The following GRID1 variants were observed in gnomAD, a reference collection of about 807,000 sequenced individuals.
GRID1 encodes glutamate receptor ionotropic, delta-1.
A neutral mutation model predicts 98.0 loss-of-function variants in GRID1; 28 were observed. That is an observed-to-expected ratio of 0.29 (90% CI 0.21 to 0.39). The LOEUF is 0.39. Among genes scored for constraint, GRID1 ranks in the 10% least tolerant of loss-of-function variants. The pLI is 1.00. For synonymous variants in GRID1, 553 were observed against 538.5 expected, an observed-to-expected ratio of 1.03 and a Z score of -0.37; for missense variants, 1,111 against 1,340.5, an observed-to-expected ratio of 0.83 and a Z score of 2.67.
At position 85,941,188 on chromosome 10, in the gene GRID1, G is replaced by A. The variant is rs553561113; in HGVS notation, c.727-24949C>T. ...CTATATGCCAGCTGGGTGTCCTTGG[G>A]TAAGTTATTTAACCTTTCTGACCCT... On this transcript the variant is annotated intron_variant, in intron 4 of 15. Transcript: ENST00000327946. 7.2e-5 allele frequency among the ~76,000 whole-genome samples: 11 copies of A among 152,216 alleles called. No individual in the cohort carries two copies. In the South Asian group the frequency reaches 1.9e-3, roughly 26 times the overall value.
At chr10:86,331,420 G>A (rs1045863055) in intron 2 of GRID1, among the ~76,000 whole-genome samples, 1 of 152,218 alleles carries the variant, frequency 6.6e-6, no homozygotes, top group African/African-American at 2.4e-5. Flanking sequence ...GTGCAGCCAA[G>A]GGGGTGGCCC....
rs940424119 is a variant in GRID1, at chr10:86,013,388, C to T, written c.727-97149G>A. ...CCACTCACATCCCTATATTAACTTT[C>T]TAAGTTGGCAGATACAAAAAGTAAT... On this transcript the variant is annotated intron_variant, in intron 4 of 15. Coordinates refer to ENST00000327946, the MANE Select transcript of GRID1 (RefSeq NM_017551.3). Among the ~76,000 whole-genome samples the T allele has an allele frequency of 2.0e-5, 3 of 152,196 alleles. No homozygotes were observed. The East Asian group carries it at 5.8e-4, about 29-fold the overall frequency.
intron 8 of GRID1, among the ~76,000 whole-genome samples, chr10:85,775,243 A>G (rs1307248573): frequency 3.3e-5 from 5 of 150,584 alleles, no homozygotes; most frequent in Admixed American, 6.7e-5. Context: ...ACCAAACACC[A>G]CATATTCTCA....
chr10:85,651,083 C>T (rs1024508541), intron 12 of GRID1, among the ~76,000 whole-genome samples: 4 of 152,208 alleles, frequency 2.6e-5, no homozygotes, highest in Admixed American at 6.5e-5. Flanking sequence ...CCACAACCCT[C>T]CAGGTGATTC....
chr10:86,245,332 G>A (rs1476839526), intron 2 of GRID1, among the ~76,000 whole-genome samples: 1 of 152,200 alleles, frequency 6.6e-6, no homozygotes, highest in Non-Finnish European at 1.5e-5. Context: ...TGGGGCTCAT[G>A]TCCCAGCACC....
At chr10:86,226,047 C>CAAA (rs1338885567) in intron 2 of GRID1, among the ~76,000 whole-genome samples, 2 of 151,988 alleles carry the variant, frequency 1.3e-5, no homozygotes, top group Non-Finnish European at 2.9e-5. Flanking sequence ...CAAGACCCTG[C>CAAA]AGGTGGACAG....
At chr10:86,113,304 T>G (rs746380383) in intron 4 of GRID1, among the ~76,000 whole-genome samples, 1 of 152,170 alleles carries the variant, frequency 6.6e-6, no homozygotes, top group Non-Finnish European at 1.5e-5. Flanking sequence ...GACCCCACCA[T>G]GCTGCTGCCT....
At chr10:86,065,707 C>T (rs1564664390) in intron 4 of GRID1, among the ~76,000 whole-genome samples, 5 of 152,244 alleles carry the variant, frequency 3.3e-5, no homozygotes, top group Non-Finnish European at 7.3e-5. Context: ...TAATTTGGAG[C>T]AGCAAGACTG....
chr10:85,956,434 A>G (rs945591237), intron 4 of GRID1, among the ~76,000 whole-genome samples: 4 of 152,208 alleles, frequency 2.6e-5, no homozygotes, highest in Admixed American at 6.5e-5. Context: ...TTATGAGGAT[A>G]TTTCCAACTT....
chr10:86,230,168 C>T (rs772126173), intron 2 of GRID1, among the ~76,000 whole-genome samples: 15 of 152,388 alleles, frequency 9.8e-5, no homozygotes, highest in South Asian at 2.1e-4. Flanking sequence ...CCCCTGCCTC[C>T]TAAACCTGGC....
Position 86,151,965 on chromosome 10 carries a change from C to A in GRID1, c.521-12941G>T, listed in dbSNP as rs187768360. 2.3e-4 allele frequency among the ~76,000 whole-genome samples: 35 copies of A among 152,324 alleles called. No individual in the cohort carries two copies. The East Asian group carries it at 5.2e-3, about 23-fold the overall frequency. On this transcript the variant is annotated intron_variant, in intron 3 of 15. Coordinates refer to ENST00000327946, the MANE Select transcript of GRID1 (RefSeq NM_017551.3). The stretch of plus-strand genomic sequence containing the variant: ...GGTGCCCAACCAGGCCATGCCCTAT[C>A]GTGGATACTAGAGAGAAGGATCAGA...
intron 5 of GRID1, among the ~76,000 whole-genome samples, chr10:85,904,003 T>C (rs1218206264): frequency 6.6e-6 from 1 of 152,204 alleles, no homozygotes; most frequent in African/African-American, 2.4e-5. Context: ...CCACTCCTTC[T>C]CCCTCTTTTT....
chr10:86,096,052 C>G lies in GRID1; in HGVS notation c.726+42767G>C, dbSNP rs531548411. On this transcript the variant is annotated intron_variant, in intron 4 of 15. Coordinates refer to ENST00000327946, the MANE Select transcript of GRID1 (RefSeq NM_017551.3). Reference sequence around the variant, plus strand: ...ATGAATTAACAACATTTGCAGTGACCTGGATGAGACTGGAGACTATTATTC... The same window carrying G: ...ATGAATTAACAACATTTGCAGTGACGTGGATGAGACTGGAGACTATTATTC... 3.9e-5 allele frequency among the ~76,000 whole-genome samples: 6 copies of G among 152,230 alleles called. No homozygotes were observed. In the South Asian group the frequency reaches 8.3e-4, roughly 21 times the overall value.
At chr10:86,234,229 A>T (rs978555039) in intron 2 of GRID1, among the ~76,000 whole-genome samples, 3 of 152,148 alleles carry the variant, frequency 2.0e-5, no homozygotes, top group African/African-American at 7.2e-5. Context: ...GGGAGGTTTC[A>T]TCAGAGCCAC....
At chr10:86,332,256 AG>A (rs1348090036) in intron 2 of GRID1, among the ~76,000 whole-genome samples, 1 of 152,134 alleles carries the variant, frequency 6.6e-6, no homozygotes, top group Non-Finnish European at 1.5e-5. Flanking sequence ...CTGCTGGAGG[AG>A]GGGGCTGCCC....
intron 4 of GRID1, among the ~76,000 whole-genome samples, chr10:86,021,378 A>C (rs1843047316): frequency 6.6e-6 from 1 of 152,134 alleles, no homozygotes; most frequent in South Asian, 2.1e-4. Context: ...GCCCCTGATG[A>C]GTAGGGATTA....
chr10:86,024,547 G>A (rs754374638), intron 4 of GRID1, among the ~76,000 whole-genome samples: 7 of 152,326 alleles, frequency 4.6e-5, no homozygotes, highest in East Asian at 3.9e-4. Flanking sequence ...AAGTCACTGC[G>A]AGGAGCCTCA....
At position 85,927,364 on chromosome 10, in the gene GRID1, C is replaced by T. The variant is rs370342063; in HGVS notation, c.727-11125G>A. 9.8e-5 allele frequency among the ~76,000 whole-genome samples: 15 copies of T among 152,326 alleles called. No individual in the cohort carries two copies. In the East Asian group the frequency reaches 2.7e-3, roughly 27 times the overall value. ...AGGTGGGAGGATCAGTGGCATGAGG[C>T]ATGAGTTATTACCTGAAACACTACC... On this transcript the variant is annotated intron_variant, in intron 4 of 15. Coordinates refer to ENST00000327946, the MANE Select transcript of GRID1 (RefSeq NM_017551.3).
intron 2 of GRID1, among the ~76,000 whole-genome samples, chr10:86,261,702 A>T (rs1387928290): frequency 1.3e-5 from 2 of 152,208 alleles, no homozygotes; most frequent in Non-Finnish European, 2.9e-5. Flanking sequence ...CCCAAAGGCC[A>T]GATCCTGCTG....
Sources: gnomAD v4.1 joint callset for allele counts (sites outside exome capture counted in the v4.1 genomes callset) on GRCh38, gnomAD v4.1.1 for gene constraint, MANE v1.5 for transcripts, NCBI Gene and HGNC (gene_info 2026-07-23, HGNC 2026-07-21) for gene names.